NR4A1: variants seen among roughly 807,000 people sequenced by gnomAD.
The protein encoded by NR4A1 is nuclear receptor subfamily 4 group A member 1.
NR4A1 carries 24 observed loss-of-function variants against 47.5 expected under a neutral mutation model. That is an observed-to-expected ratio of 0.50 (90% CI 0.37 to 0.71). The LOEUF is 0.71. Ranked by LOEUF, NR4A1 falls within the 30% of genes least tolerant of loss-of-function variation. NR4A1 has a pLI of 0.00. For missense variants in NR4A1, 669 were observed against 788.6 expected, an observed-to-expected ratio of 0.85 and a Z score of 1.82; for synonymous variants, 353 against 345.7, an observed-to-expected ratio of 1.02 and a Z score of -0.24.
intron 6 of NR4A1, among the ~76,000 whole-genome samples, chr12:52,057,750 C>T (rs1252266872): frequency 6.6e-6 from 1 of 152,232 alleles, no homozygotes; most frequent in Non-Finnish European, 1.5e-5. Flanking sequence ...CCTTTGGTCC[C>T]AGACTGTCAG....
intron 2 of NR4A1, among the ~76,000 whole-genome samples, chr12:52,044,444 C>T (rs1330482429): frequency 6.6e-6 from 1 of 152,214 alleles, no homozygotes; most frequent in Non-Finnish European, 1.5e-5. Context: ...CGCCAACCAG[C>T]TTGCCACAAA....
chr12:52,043,298 C>T (rs10876229), intron 2 of NR4A1: 30,498 of 158,642 alleles, frequency 0.19, 3,679 homozygotes, highest in Admixed American at 0.4. Flanking sequence ...CTCAACTCGG[C>T]CCCTACATCC....
chr12:52,058,551 C>T (rs1232253919), intron 6 of NR4A1, 137 bp from the exon 7 acceptor site: 3 of 1,152,394 alleles, frequency 2.6e-6, no homozygotes, highest in Non-Finnish European at 2.4e-6. Context: ...TAATGGCCAA[C>T]ATGTGAATGC....
Position 52,056,794 on chromosome 12 carries a change from A to T in NR4A1, c.1158+149A>T, listed in dbSNP as rs575269784. On this transcript the variant is annotated intron_variant, in intron 4 of 6. Transcript: ENST00000394825. ...AAGAAAAGCGACTCCCTCCAGTTCG[A>T]CAGATCAAAGAGAGGATCCCCCTCT... 5 of 970,324 alleles carry T rather than the reference A, an allele frequency of 5.2e-6. No homozygotes were observed. The African/African-American group carries it at 8.2e-5, about 16-fold the overall frequency. 60.1% of individuals were successfully genotyped at this position (970,324 alleles called of 1,614,324 possible).
At chr12:52,054,192 C>T (rs747511964) in intron 1 of NR4A1, 135 bp from the exon 2 acceptor site, 2 of 730,600 alleles carry the variant, frequency 2.7e-6, no homozygotes, top group Non-Finnish European at 4.4e-6. Flanking sequence ...GTGCTCTGGT[C>T]CCGGTGCCTC....
intron 1 of NR4A1, chr12:52,052,673 A>G: frequency 1.0e-6 from 1 of 985,110 alleles, no homozygotes; most frequent in Non-Finnish European, 1.2e-6. Context: ...GTTGTTAAGA[A>G]CCTGCATGAA....
intron 1 of NR4A1, among the ~76,000 whole-genome samples, chr12:52,023,489 G>A (rs1937930873): frequency 6.6e-6 from 1 of 152,134 alleles, no homozygotes; most frequent in Non-Finnish European, 1.5e-5. Context: ...TAGTCCCGCC[G>A]CCTCAGGAAG....
upstream of NR4A1, among the ~76,000 whole-genome samples, chr12:52,050,729 C>G (rs1240921306): frequency 2.0e-5 from 3 of 152,182 alleles, no homozygotes; most frequent in Non-Finnish European, 4.4e-5. Flanking sequence ...TAACTGACGT[C>G]TCAGGGGCAG....
intron 1 of NR4A1, chr12:52,052,514 C>G: frequency 2.0e-6 from 2 of 985,420 alleles, no homozygotes; most frequent in Non-Finnish European, 2.4e-6. Context: ...CAGCCTGAGG[C>G]TTGTTCAGCA....
rs767781553 is a variant in NR4A1, at chr12:52,055,063, A to G, written c.735A>G (p.Ile245Met). Residue 245 changes from isoleucine (I) to methionine (M), a missense_variant, in exon 2 of 7, where the codon ATA becomes ATG. Physicochemically the swap from Ile to Met is conservative, Grantham distance 10 (BLOSUM62 1). Transcript: ENST00000394825. ...PTSPHLEGSG[I>M]LDTPVTSTKA... is the part of the protein sequence containing the mutation. ...CTCCACACCTTGAGGGCTCGGGGATACTGGATACACCCGTGACCTCAACCA... is the reference window on the plus strand; with the variant it reads ...CTCCACACCTTGAGGGCTCGGGGATGCTGGATACACCCGTGACCTCAACCA... 3.7e-6 allele frequency: 6 copies of G among 1,614,238 alleles called. No homozygotes were observed. In the South Asian group the frequency reaches 6.6e-5, roughly 18 times the overall value.
chr12:52,050,825 GGT>G (rs1938885110), upstream of NR4A1, among the ~76,000 whole-genome samples: 1 of 152,210 alleles, frequency 6.6e-6, no homozygotes, highest in Admixed American at 6.5e-5. Flanking sequence ...GGCTCCCCAG[GGT>G]GTGTCCGAAT....
At chr12:52,047,984 C>T (rs1938724020), upstream of NR4A1, among the ~76,000 whole-genome samples, 3 of 151,632 alleles carry the variant, frequency 2.0e-5, no homozygotes, top group South Asian at 6.2e-4. Flanking sequence ...GAAACCCCGT[C>T]TCTACTAAAA....
chr12:52,044,212 A>T (rs922910192), intron 2 of NR4A1, among the ~76,000 whole-genome samples: 4 of 152,230 alleles, frequency 2.6e-5, no homozygotes, highest in South Asian at 2.1e-4. Context: ...TGGATGAGGC[A>T]CTGGTCACTG....
chr12:52,038,712 G>T (rs771248058), intron 1 of NR4A1: 5 of 764,712 alleles, frequency 6.5e-6, no homozygotes, highest in South Asian at 4.0e-5. Flanking sequence ...TGTGAGGAAT[G>T]ACAAGTGCAC....
At chr12:52,032,107 CAACTT>C (rs1316044301) in intron 1 of NR4A1, among the ~76,000 whole-genome samples, 2 of 152,026 alleles carry the variant, frequency 1.3e-5, no homozygotes, top group African/African-American at 4.8e-5. Context: ...TTTTAAGTGT[CAACTT>C]GACTGGGCTA....
At chr12:52,052,698 T>C (rs777682767) in intron 1 of NR4A1, 288 of 977,048 alleles carry the variant, frequency 2.9e-4, no homozygotes, top group Admixed American at 1.2e-3. Flanking sequence ...GAGGGACTGA[T>C]GGGGGTTGAT....
At chr12:52,029,528 A>G (rs1938072499) in intron 1 of NR4A1, among the ~76,000 whole-genome samples, 1 of 152,090 alleles carries the variant, frequency 6.6e-6, no homozygotes, top group African/African-American at 2.4e-5. Flanking sequence ...TCTCTACAAA[A>G]CATACAAAAA....
intron 1 of NR4A1, chr12:52,038,501 TG>T: frequency 1.9e-6 from 1 of 531,050 alleles, no homozygotes; most frequent in South Asian, 2.2e-5. Flanking sequence ...AAACACAGGC[TG>T]GGCAGAGGTT....
At chr12:52,045,607 G>A (rs905782605) in intron 2 of NR4A1, 3 of 443,216 alleles carry the variant, frequency 6.8e-6, no homozygotes, top group African/African-American at 6.0e-5. Context: ...AGGCAGATGA[G>A]GAAGCAGTCT....
Sources: allele counts gnomAD v4.1 joint callset (sites outside exome capture counted in the v4.1 genomes callset), GRCh38; gene constraint gnomAD v4.1.1; transcripts MANE v1.5; gene names NCBI Gene and HGNC (gene_info 2026-07-23, HGNC 2026-07-21).